Variants in SSU72 observed in about 807,000 individuals in gnomAD.
The protein encoded by SSU72 is SSU72 homolog, RNA polymerase II CTD phosphatase, also known as RNA polymerase II subunit A C-terminal domain phosphatase SSU72.
A neutral mutation model predicts 22.7 loss-of-function variants in SSU72; 12 were observed. The ratio of observed to expected loss-of-function variants is 0.53; its 90% CI spans 0.34 to 0.86. The LOEUF (loss-of-function observed/expected upper bound fraction) is 0.86, where lower values mean the gene tolerates loss of function less well. Among genes scored for constraint, SSU72 ranks in the 40% least tolerant of loss-of-function variants. SSU72 has a pLI of 0.02. For missense variants in SSU72, 151 were observed against 249.8 expected (o/e 0.60, Z 2.67); for synonymous variants, 116 against 98.3 (o/e 1.18, Z -1.06).
At chr1:1,573,429 C>CA (rs56930035) in intron 1 of SSU72, among the ~76,000 whole-genome samples, 2,588 of 106,968 alleles carry the variant, frequency 0.024, 138 homozygotes, top group Non-Finnish European at 0.045. Flanking sequence ...GACTCTGTCT[C>CA]AAAAAAAAAA....
chr1:1,556,570 C>T (rs956725562), intron 2 of SSU72, among the ~76,000 whole-genome samples: 30 of 152,054 alleles, frequency 2.0e-4, no homozygotes, highest in Non-Finnish European at 3.8e-4. Flanking sequence ...ATTTTGATAG[C>T]GAATGCTTTT....
At chr1:1,563,192 T>C (rs1170940130) in intron 2 of SSU72, 2 of 152,270 alleles carry the variant, frequency 1.3e-5, no homozygotes, top group Non-Finnish European at 2.9e-5. Context: ...GGGCCACTCC[T>C]GGCTACCTAA....
intron 1 of SSU72, among the ~76,000 whole-genome samples, chr1:1,572,581 C>T (rs1267396677): frequency 2.0e-5 from 3 of 149,064 alleles, no homozygotes. Flanking sequence ...CTCAGCCTCC[C>T]GAGTAACTGG....
intron 1 of SSU72, among the ~76,000 whole-genome samples, chr1:1,572,450 CTTTAT>C (rs1570402871): frequency 6.7e-6 from 1 of 149,996 alleles, no homozygotes; most frequent in African/African-American, 2.4e-5. Flanking sequence ...TCTACTCCAA[CTTTAT>C]TTTATTTATG....
rs57824669 is a variant in SSU72, at chr1:1,573,265, C to CAAAAAAA, written c.80+1206_80+1212dup. The stretch of plus-strand genomic sequence containing the variant: ...TGAAACTCCGTCTCTACTAAAAATA[C>CAAAAAAA]AAAAAAAAAAAAAAATTAGCCGTGC... On this transcript the variant is annotated intron_variant, in intron 1 of 4. Transcript: ENST00000291386. 1.7e-3 allele frequency among the ~76,000 whole-genome samples: 217 copies of CAAAAAAA among 131,286 alleles called. 3 individuals carry two copies. The highest frequency in any genetic ancestry group is 6.0e-3 in the African/African-American group (213 of 35,716). The allele number at this position is 131,286 out of a possible 152,430, so 86.1% of individuals were successfully genotyped here.
intron 1 of SSU72, among the ~76,000 whole-genome samples, chr1:1,572,676 C>A (rs1642745888): frequency 6.6e-6 from 1 of 151,160 alleles, no homozygotes; most frequent in African/African-American, 2.4e-5. Context: ...CCAGGATAGT[C>A]TCAATCTCCT....
chr1:1,549,237 T>C (rs562447341), intron 2 of SSU72, among the ~76,000 whole-genome samples: 1 of 152,000 alleles, frequency 6.6e-6, no homozygotes, highest in South Asian at 2.1e-4. Flanking sequence ...ATTACCAGCC[T>C]GGGGCCGGGC....
At chr1:1,565,604 C>T (rs1642650569) in intron 1 of SSU72, among the ~76,000 whole-genome samples, 3 of 152,276 alleles carry the variant, frequency 2.0e-5, no homozygotes, top group Admixed American at 2.0e-4. Context: ...ACTCTGTCTC[C>T]CCCAGTTTCC....
chr1:1,554,290 C>A lies in SSU72; in HGVS notation c.225-9288G>T, dbSNP rs7531530. Among the ~76,000 whole-genome samples the A allele has an allele frequency of 6.9e-6, 1 of 145,970 alleles. No individual in the cohort carries two copies. Among genetic ancestry groups the A allele is most frequent in the Non-Finnish European group, 1.5e-5 (1 of 66,120 alleles). On this transcript the variant is annotated intron_variant, in intron 2 of 4. Coordinates refer to ENST00000291386, the MANE Select transcript of SSU72 (RefSeq NM_014188.3). This position sits in a 1 kb window ranked among gnomAD's most constrained non-coding sequence, Gnocchi z 4.1. ...GGCCCCCACGAAGCTGAGCACGAGA[C>A]GGATCCGGACCACTCGGGGGTCCCC... is the stretch of plus-strand genomic sequence containing the variant.
chr1:1,556,451 G>C lies in SSU72; in HGVS notation c.224+8322C>G, dbSNP rs1007343529. ...GCTACTTGCGGGGGCTGAGGCAGGA[G>C]AATCGCTTGAACCCAGGAAGTGGAG... On this transcript the variant is annotated intron_variant, in intron 2 of 4. Transcript: ENST00000291386. Among the ~76,000 whole-genome samples the C allele has an allele frequency of 3.9e-5, 6 of 152,038 alleles. No individual in the cohort carries two copies. In the South Asian group the frequency reaches 8.3e-4, roughly 21 times the overall value.
chr1:1,565,931 CTT>C (rs1447138329), intron 1 of SSU72, among the ~76,000 whole-genome samples: 1 of 152,134 alleles, frequency 6.6e-6, no homozygotes, highest in East Asian at 1.9e-4. Context: ...GACAAGCACA[CTT>C]AAGTTTGTCA....
chr1:1,551,862 C>A (rs974335930), intron 2 of SSU72, among the ~76,000 whole-genome samples: 1 of 152,222 alleles, frequency 6.6e-6, no homozygotes, highest in Non-Finnish European at 1.5e-5. Flanking sequence ...CGCCGGGCCA[C>A]CACTACCTTT....
At chr1:1,553,333 A>C (rs1243183222) in intron 2 of SSU72, among the ~76,000 whole-genome samples, 1 of 152,134 alleles carries the variant, frequency 6.6e-6, no homozygotes, top group Non-Finnish European at 1.5e-5. Flanking sequence ...TAGTTATTTA[A>C]AAAAATAATA....
rs559290684 is a variant in SSU72 at position 1,559,092 on chromosome 1, A to T, written c.224+5681T>A. Among the ~76,000 whole-genome samples the T allele has an allele frequency of 2.0e-5, 3 of 152,370 alleles. No individual in the cohort carries two copies. In the South Asian group the frequency reaches 6.2e-4, roughly 32 times the overall value. On this transcript the variant is annotated intron_variant, in intron 2 of 4. Coordinates refer to ENST00000291386, the MANE Select transcript of SSU72 (RefSeq NM_014188.3). The stretch of plus-strand genomic sequence containing the variant: ...CCCCTCGGCAGGACACCCAGCGCAA[A>T]GCTGCTCTACTCCACGTGCCACTGA...
chr1:1,543,672 TCCCCA>T, intron 4 of SSU72, 192 bp downstream of exon 4: 1 of 457,804 alleles, frequency 2.2e-6, no homozygotes, highest in Non-Finnish European at 4.0e-6. Context: ...CCTCGGCCAC[TCCCCA>T]CTGTCACGGC....
In SSU72 at chr1:1,570,295, A is replaced by C. The variant is rs7553066; in HGVS notation, c.80+4183T>G. On this transcript the variant is annotated intron_variant, in intron 1 of 4. Transcript: ENST00000291386. ...CTTACTCTGGCTTGAAAAAAAAAACAAAAAAAAAAGGGAAAATGACAACAG... is the reference window on the plus strand; with the variant it reads ...CTTACTCTGGCTTGAAAAAAAAAACCAAAAAAAAAGGGAAAATGACAACAG... Among the ~76,000 whole-genome samples, 172 of 42,738 alleles carry C rather than the reference A, an allele frequency of 4.0e-3. 1 individual carries two copies. In the African/African-American group the frequency reaches 0.049, roughly 12 times the overall value. The allele number at this position is 42,738 out of a possible 152,430, so 28.0% of individuals were successfully genotyped here.
At chr1:1,559,787 T>G in intron 2 of SSU72, among the ~76,000 whole-genome samples, 1 of 152,070 alleles carries the variant, frequency 6.6e-6, no homozygotes, top group East Asian at 1.9e-4. Flanking sequence ...AGTGCAATGG[T>G]GCAACTTCGG....
intron 1 of SSU72, among the ~76,000 whole-genome samples, chr1:1,568,144 C>G (rs1269327009): frequency 6.6e-6 from 1 of 152,160 alleles, no homozygotes; most frequent in East Asian, 1.9e-4. Context: ...CTGATGCAAC[C>G]GACAGGGCAG....
rs1360688477 is a variant in SSU72 at position 1,541,735 on chromosome 1, G to C, written c.*331C>G. 2 of 366,026 alleles carry C rather than the reference G, an allele frequency of 5.5e-6. No individual in the cohort carries two copies. Among genetic ancestry groups the C allele is most frequent in the Admixed American group, 8.0e-5 (2 of 25,026 alleles). The allele number at this position is 366,026 out of a possible 1,614,324, so 22.7% of individuals were successfully genotyped here. A position where few individuals can be genotyped will look rare whatever the true frequency, so the allele number is the denominator to read the frequency against. ...TCCTAACACGCCGCAGCAGGGCTCT[G>C]TACAGTCCGGCCCGGTGGGGAGGAG... is the stretch of plus-strand genomic sequence containing the variant. On this transcript the variant is annotated 3_prime_UTR_variant, in exon 5 of 5. Coordinates refer to ENST00000291386, the MANE Select transcript of SSU72 (RefSeq NM_014188.3).
Sources: gnomAD v4.1 joint callset for allele counts (sites outside exome capture counted in the v4.1 genomes callset) on GRCh38, gnomAD v4.1.1 for gene constraint, Gnocchi (gnomAD v3.1) non-coding constraint, MANE v1.5 for transcripts, NCBI Gene and HGNC (gene_info 2026-07-23, HGNC 2026-07-21) for gene names.